Variants in MGAT4C observed in about 807,000 individuals in gnomAD.
MGAT4C encodes the protein alpha-1,3-mannosyl-glycoprotein 4-beta-N-acetylglucosaminyltransferase C.
A neutral mutation model predicts 40.1 loss-of-function variants in MGAT4C; 19 were observed. That is an observed-to-expected ratio of 0.47 (90% CI 0.33 to 0.70). The LOEUF (loss-of-function observed/expected upper bound fraction) is 0.70. Among genes scored for constraint, MGAT4C ranks in the 30% least tolerant of loss-of-function variants. MGAT4C has a pLI of 0.02. For missense variants in MGAT4C, 491 were observed against 563.2 expected, an observed-to-expected ratio of 0.87 and a Z score of 1.30; for synonymous variants, 181 against 187.1, an observed-to-expected ratio of 0.97 and a Z score of 0.27.
intron 2 of MGAT4C, among the ~76,000 whole-genome samples, chr12:86,653,384 C>A (rs1187160247): frequency 6.6e-6 from 1 of 151,772 alleles, no homozygotes; most frequent in Non-Finnish European, 1.5e-5. Context: ...ATTCCACAAC[C>A]AGTAGAAAGG....
intron 1 of MGAT4C, among the ~76,000 whole-genome samples, chr12:86,123,025 AGT>A (rs1290060267): frequency 3.9e-5 from 6 of 152,180 alleles, no homozygotes; most frequent in Admixed American, 3.9e-4. Flanking sequence ...AGCCAGTATT[AGT>A]CATGATTAAG....
chr12:86,572,509 C>T (rs899494998), intron 2 of MGAT4C, among the ~76,000 whole-genome samples: 2 of 152,096 alleles, frequency 1.3e-5, no homozygotes, highest in African/African-American at 4.8e-5. Context: ...ACACTCTTTA[C>T]TATCATGTCT....
chr12:86,285,163 C>G (rs188687740), intron 4 of MGAT4C, among the ~76,000 whole-genome samples: 40 of 152,054 alleles, frequency 2.6e-4, no homozygotes, highest in African/African-American at 9.6e-4. Context: ...CAGGTACTAG[C>G]CTTCCAGTCA....
chr12:86,814,736 A>G (rs780691628), intron 1 of MGAT4C, among the ~76,000 whole-genome samples: 176 of 152,062 alleles, frequency 1.2e-3, no homozygotes, highest in African/African-American at 3.9e-3. Context: ...GCCCTCTTGA[A>G]TGGGATGAGT....
chr12:86,191,091 A>G (rs1233299922), intron 1 of MGAT4C, among the ~76,000 whole-genome samples: 1 of 52,106 alleles, frequency 1.9e-5, no homozygotes, highest in East Asian at 5.3e-4. Context: ...CTGCACACAC[A>G]CACACACACA....
At chr12:86,760,191 C>T (rs1051561979) in intron 1 of MGAT4C, among the ~76,000 whole-genome samples, 12 of 151,974 alleles carry the variant, frequency 7.9e-5, no homozygotes, top group East Asian at 3.9e-4. Flanking sequence ...CTTCAAAAAA[C>T]GGTGCTGGGA....
intron 3 of MGAT4C, among the ~76,000 whole-genome samples, chr12:86,378,726 A>T (rs73185478): frequency 0.014 from 2,077 of 152,310 alleles, 13 homozygotes; most frequent in Middle Eastern, 0.027. Flanking sequence ...AAGATTAGCA[A>T]GAAGATGAGT....
intron 1 of MGAT4C, among the ~76,000 whole-genome samples, chr12:86,107,701 A>G (rs1248215556): frequency 1.3e-5 from 2 of 152,116 alleles, no homozygotes; most frequent in Non-Finnish European, 2.9e-5. Flanking sequence ...TTCTTAGTAA[A>G]TGGATTACCT....
intron 4 of MGAT4C, among the ~76,000 whole-genome samples, chr12:85,982,573 CT>C (rs1884729521): frequency 6.6e-6 from 1 of 152,142 alleles, no homozygotes; most frequent in Admixed American, 6.6e-5. Flanking sequence ...ATTGGTAATG[CT>C]TATACTTTCT....
intron 1 of MGAT4C, among the ~76,000 whole-genome samples, chr12:86,793,300 T>G (rs1386462232): frequency 6.6e-6 from 1 of 152,146 alleles, no homozygotes; most frequent in Non-Finnish European, 1.5e-5. Flanking sequence ...ATGGAGTAAT[T>G]AAAGCAAACG....
chr12:86,451,273 C>A (rs1957421650), intron 2 of MGAT4C, among the ~76,000 whole-genome samples: 1 of 152,100 alleles, frequency 6.6e-6, no homozygotes, highest in African/African-American at 2.4e-5. Flanking sequence ...ATGTAATATA[C>A]AAGCTCCTGC....
chr12:86,017,514 A>C (rs557218742), intron 2 of MGAT4C, among the ~76,000 whole-genome samples: 14 of 152,286 alleles, frequency 9.2e-5, no homozygotes, highest in Admixed American at 8.5e-4. Context: ...TTACATAATA[A>C]ATATAAATAT....
intron 3 of MGAT4C, among the ~76,000 whole-genome samples, chr12:86,338,598 C>A (rs1303521222): frequency 2.6e-5 from 4 of 152,102 alleles, no homozygotes; most frequent in South Asian, 2.1e-4. Context: ...CAGGAATGAA[C>A]AAGGACAGCT....
At chr12:86,555,573 T>C (rs1959568731) in intron 2 of MGAT4C, among the ~76,000 whole-genome samples, 2 of 152,276 alleles carry the variant, frequency 1.3e-5, no homozygotes, top group South Asian at 2.1e-4. Context: ...ATGGCTTGGA[T>C]AGAATCCAGG....
rs374970407 is a variant in MGAT4C at position 86,745,441 on chromosome 12, A to C, written c.-261-18200T>G. On this transcript the variant is annotated intron_variant, in intron 1 of 7. Coordinates refer to the MGAT4C transcript ENST00000548651. ...GATATGCACATACTTCTTGAATATA[A>C]TGTTGACTTTGCATTTCTACTTCTT... Among the ~76,000 whole-genome samples, 147 of 151,820 alleles carry C rather than the reference A, an allele frequency of 9.7e-4. 1 individual carries two copies. The South Asian group carries it at 0.03, about 31-fold the overall frequency.
intron 1 of MGAT4C, among the ~76,000 whole-genome samples, chr12:86,818,442 A>G (rs1952645472): frequency 6.6e-6 from 1 of 151,272 alleles, no homozygotes; most frequent in African/African-American, 2.4e-5. Flanking sequence ...GAGAGGGATA[A>G]GGTAATAGAA....
chr12:86,619,910 C>A (rs1281780441), intron 2 of MGAT4C, among the ~76,000 whole-genome samples: 1 of 152,120 alleles, frequency 6.6e-6, no homozygotes, highest in Admixed American at 6.5e-5. Flanking sequence ...CTGATAGTTA[C>A]TTTAGAATAA....
chr12:86,397,205 T>C (rs182731887), intron 3 of MGAT4C, among the ~76,000 whole-genome samples: 3 of 152,282 alleles, frequency 2.0e-5, no homozygotes, highest in South Asian at 2.1e-4. Context: ...GTTTTTTTCC[T>C]TATATTCCAA....
intron 1 of MGAT4C, among the ~76,000 whole-genome samples, chr12:86,772,280 G>A (rs1332354360): frequency 6.6e-6 from 1 of 152,130 alleles, no homozygotes; most frequent in East Asian, 1.9e-4. Context: ...TGCATGGTAG[G>A]CCAGAAAAGT....
Sources: gnomAD v4.1 joint callset for allele counts (sites outside exome capture counted in the v4.1 genomes callset) on GRCh38, gnomAD v4.1.1 for gene constraint, MANE v1.5 for transcripts, NCBI Gene and HGNC (gene_info 2026-07-23, HGNC 2026-07-21) for gene names.